Variants in TDRD7 observed in about 807,000 individuals in gnomAD.
TDRD7 encodes the protein tudor domain-containing protein 7.
Under a neutral mutation model 109.8 loss-of-function variants are expected in TDRD7, and 47 were observed. That is an observed-to-expected ratio of 0.43 (90% CI 0.34 to 0.55). The LOEUF is 0.55. TDRD7 is among the 20% of genes least tolerant of loss of function. TDRD7 has a pLI of 0.03. For missense variants in TDRD7, 1,164 were observed against 1,319.2 expected (o/e 0.88, Z 1.82); for synonymous variants, 424 against 457.3 (o/e 0.93, Z 0.93).
chr9:97,452,370 T>C (rs1297983474), intron 6 of TDRD7, among the ~76,000 whole-genome samples: 1 of 152,242 alleles, frequency 6.6e-6, no homozygotes, highest in African/African-American at 2.4e-5. Flanking sequence ...GTTCGGTGCC[T>C]TGTTAGGCCT....
intron 16 of TDRD7, among the ~76,000 whole-genome samples, chr9:97,488,592 T>C (rs1829252735): frequency 6.7e-6 from 1 of 149,862 alleles, no homozygotes; most frequent in African/African-American, 2.4e-5. Flanking sequence ...TTTCACTTTC[T>C]AATGCTCAGG....
Position 97,476,334 on chromosome 9 carries a change from G to A in TDRD7, c.2166+865G>A, listed in dbSNP as rs148722827. Among the ~76,000 whole-genome samples, 524 of 152,124 alleles carry A rather than the reference G, an allele frequency of 3.4e-3. 4 individuals carry two copies. Among genetic ancestry groups the A allele is most frequent in the Non-Finnish European group, 6.1e-3 (415 of 67,990 alleles). On this transcript the variant is annotated intron_variant, in intron 12 of 16. Transcript: ENST00000355295. ...CTTATTTTCTTGCAAGCTCAGTTAC[G>A]AACTTGAAGGGAGTTTTGTTGTGGT...
chr9:97,465,103 C>T lies in TDRD7; in HGVS notation c.1629+75C>T. On this transcript the variant is annotated intron_variant, in intron 8 of 16. Coordinates refer to ENST00000355295, the MANE Select transcript of TDRD7 (RefSeq NM_014290.3). ...ATTTTCCAAATGTAAATATTTTTTA[C>T]ATTTTTGAAATTTAAATGTTGTATC... 2.6e-6 allele frequency: 4 copies of T among 1,519,550 alleles called. No individual in the cohort carries two copies. The South Asian group carries it at 3.7e-5, about 14-fold the overall frequency. 94.1% of individuals were successfully genotyped at this position (1,519,550 alleles called of 1,614,324 possible).
At chr9:97,472,220 G>A in intron 9 of TDRD7, 73 bp from the exon 10 acceptor site, 1 of 1,334,882 alleles carries the variant, frequency 7.5e-7, no homozygotes, top group Non-Finnish European at 1.1e-6. Flanking sequence ...GGTCAAAACA[G>A]ACACAATCCA....
intron 12 of TDRD7, among the ~76,000 whole-genome samples, 159 bp downstream of exon 12, chr9:97,475,628 T>TA (rs1202004014): frequency 2.6e-5 from 4 of 152,204 alleles, no homozygotes; most frequent in African/African-American, 9.7e-5. Flanking sequence ...TGGTTGAAGT[T>TA]ATGGTCGAAG....
intron 6 of TDRD7, among the ~76,000 whole-genome samples, chr9:97,453,450 A>G (rs1828537225): frequency 1.3e-5 from 2 of 152,154 alleles, no homozygotes; most frequent in African/African-American, 4.8e-5. Context: ...TAAGTGTGTG[A>G]ATCCTTCATT....
chr9:97,468,401 G>C (rs1828854032), intron 8 of TDRD7, among the ~76,000 whole-genome samples: 1 of 152,212 alleles, frequency 6.6e-6, no homozygotes. Flanking sequence ...CGTCATTGCT[G>C]CTGAGAATTA....
intron 4 of TDRD7, among the ~76,000 whole-genome samples, chr9:97,438,410 C>T (rs949313743): frequency 6.6e-6 from 1 of 152,140 alleles, no homozygotes; most frequent in Non-Finnish European, 1.5e-5. Context: ...ACTATAGTCC[C>T]GTACCCACTG....
intron 1 of TDRD7, among the ~76,000 whole-genome samples, chr9:97,419,177 C>T (rs1312643991): frequency 6.6e-6 from 1 of 152,100 alleles, no homozygotes; most frequent in Non-Finnish European, 1.5e-5. Context: ...TACGGATATA[C>T]AAAGATGCAA....
chr9:97,490,854 CTTA>C (rs1829295606), intron 16 of TDRD7, among the ~76,000 whole-genome samples: 3 of 139,140 alleles, frequency 2.2e-5, no homozygotes, highest in African/African-American at 8.0e-5. Flanking sequence ...CCAAGACATT[CTTA>C]TTTTCTTTTA....
chr9:97,415,332 G>C (rs1019263912), intron 1 of TDRD7, among the ~76,000 whole-genome samples: 1 of 152,192 alleles, frequency 6.6e-6, no homozygotes, highest in Admixed American at 6.5e-5. Flanking sequence ...AGTAGTTAGA[G>C]GAAGCAGATA....
rs941159650 is a variant in TDRD7, at chr9:97,468,437, G to C, written c.1630-2121G>C. ...TGGGCTGGATGTGAAGAATAAAAAA[G>C]GTAGCTCGGTATTTTGTGCAGTAGC... On this transcript the variant is annotated intron_variant, in intron 8 of 16. Coordinates refer to ENST00000355295, the MANE Select transcript of TDRD7 (RefSeq NM_014290.3). Among the ~76,000 whole-genome samples the C allele has an allele frequency of 2.8e-4, 43 of 152,216 alleles. 1 individual carries two copies. The highest frequency in any genetic ancestry group is 1.0e-3 in the African/African-American group (42 of 41,452).
Position 97,473,629 on chromosome 9 carries a change from A to G in TDRD7, c.2079+3A>G. 2.5e-6 allele frequency: 4 copies of G among 1,613,650 alleles called. No homozygotes were observed. Among genetic ancestry groups the G allele is most frequent in the East Asian group, 2.2e-5 (1 of 44,872 alleles). On this transcript the variant is annotated splice_donor_region_variant and intron_variant, in intron 11 of 16. Transcript: ENST00000355295. Reference sequence around the variant, plus strand: ...TAGAGGACTACTTCCATTGCAAGGTATAGCAGAACCTCTTCTACCTCTAAA... The same window carrying G: ...TAGAGGACTACTTCCATTGCAAGGTGTAGCAGAACCTCTTCTACCTCTAAA...
intron 6 of TDRD7, among the ~76,000 whole-genome samples, chr9:97,451,684 A>G (rs544500147): frequency 6.6e-6 from 1 of 152,362 alleles, no homozygotes; most frequent in African/African-American, 2.4e-5. Flanking sequence ...TGGGAACCCC[A>G]GCTTGATCCA....
intron 6 of TDRD7, 115 bp from the exon 7 acceptor site, chr9:97,460,063 T>C: frequency 2.2e-6 from 2 of 889,794 alleles, no homozygotes; most frequent in East Asian, 5.2e-5. Context: ...GAGTAAATCG[T>C]ACACTTGATT....
intron 1 of TDRD7, among the ~76,000 whole-genome samples, chr9:97,423,593 T>C (rs935362508): frequency 6.6e-6 from 1 of 152,158 alleles, no homozygotes; most frequent in African/African-American, 2.4e-5. Context: ...CTCTTTTTGT[T>C]CTCAAAGTAG....
intron 4 of TDRD7, among the ~76,000 whole-genome samples, chr9:97,433,159 G>T (rs564272954): frequency 1.7e-3 from 264 of 152,172 alleles, no homozygotes; most frequent in African/African-American, 6.2e-3. Context: ...TCTGTTTTGT[G>T]AAAGATAATT....
chr9:97,478,495 T>C lies in TDRD7; in HGVS notation c.2223T>C (p.Thr741=), dbSNP rs374967438. 3 of 1,613,970 alleles carry C rather than the reference T, an allele frequency of 1.9e-6. No individual in the cohort carries two copies. The highest frequency in any genetic ancestry group is 2.7e-5 in the African/African-American group (2 of 74,904). Residue 741 remains threonine, a synonymous_variant, in exon 13 of 17, where the codon ACT becomes ACC. Transcript: ENST00000355295. The part of the protein sequence containing the change: ...ALDVQFLDSG[T]VTSVKVSELR... ...ATGTTCAGTTCCTGGACTCTGGCACTGTGACATCTGTAAAAGTGTCAGAGC... is the reference window on the plus strand; with the variant it reads ...ATGTTCAGTTCCTGGACTCTGGCACCGTGACATCTGTAAAAGTGTCAGAGC...
intron 7 of TDRD7, among the ~76,000 whole-genome samples, chr9:97,462,791 G>A (rs987331688): frequency 2.6e-5 from 4 of 152,118 alleles, no homozygotes; most frequent in East Asian, 1.9e-4. Flanking sequence ...ATCCAACACC[G>A]TCCATCTTCC....
Sources: allele counts gnomAD v4.1 joint callset (sites outside exome capture counted in the v4.1 genomes callset), GRCh38; gene constraint gnomAD v4.1.1; transcripts MANE v1.5; gene names NCBI Gene and HGNC (gene_info 2026-07-23, HGNC 2026-07-21).